PCLO: variants seen among roughly 807,000 people sequenced by gnomAD.
PCLO encodes piccolo presynaptic cytomatrix protein.
A neutral mutation model predicts 427.5 loss-of-function variants in PCLO; 82 were observed. That is an observed-to-expected ratio of 0.19 (90% CI 0.16 to 0.23). The LOEUF is 0.23. Among genes scored for constraint, PCLO ranks in the 10% least tolerant of loss-of-function variants. The probability of loss-of-function intolerance (pLI) is 1.00; values close to 1 mark genes in which losing one functional copy is unlikely to be tolerated. For synonymous variants in PCLO, 2,357 were observed against 2,155.4 expected (o/e 1.09, Z -2.59); for missense variants, 6,239 against 6,115.9 (o/e 1.02, Z -0.67).
intron 9 of PCLO, chr7:82,879,897 A>G: frequency 2.3e-6 from 1 of 432,346 alleles, no homozygotes; most frequent in Non-Finnish European, 4.6e-6. Flanking sequence ...GTAATTTATA[A>G]AGTGAAAACA....
intron 13 of PCLO, among the ~76,000 whole-genome samples, chr7:82,845,044 T>C (rs1164329114): frequency 1.3e-5 from 2 of 152,104 alleles, no homozygotes; most frequent in Non-Finnish European, 2.9e-5. Flanking sequence ...TTCAAGTTCC[T>C]CATAATAACT....
intron 2 of PCLO, among the ~76,000 whole-genome samples, chr7:83,153,936 G>T (rs1584094179): frequency 2.0e-5 from 3 of 150,874 alleles, no homozygotes; most frequent in Admixed American, 6.6e-5. Flanking sequence ...CTATTAAAAT[G>T]CTACATTATT....
rs1790269111 is a variant in PCLO, at chr7:82,754,072, A to G, written c.*4503T>C. ...ACAGCCTTTATACGGCACAGTTTAC[A>G]TAAGTTATCAAGATACATCTTGTAT... On this transcript the variant is annotated 3_prime_UTR_variant, in exon 25 of 25. Coordinates refer to ENST00000333891, the MANE Select transcript of PCLO (RefSeq NM_033026.6). The G allele has an allele frequency of 6.6e-6, 1 of 152,192 alleles. No individual in the cohort carries two copies. The highest frequency in any genetic ancestry group is 1.5e-5 in the Non-Finnish European group (1 of 68,024). 9.4% of individuals were successfully genotyped at this position (152,192 alleles called of 1,614,324 possible).
intron 6 of PCLO, among the ~76,000 whole-genome samples, chr7:82,932,479 G>A (rs115396818): frequency 2.1e-3 from 315 of 152,230 alleles, no homozygotes; most frequent in African/African-American, 7.1e-3. Flanking sequence ...ACATTAGTGA[G>A]CAAGTTCTGA....
At chr7:83,132,150 G>A (rs1258004284) in intron 3 of PCLO, among the ~76,000 whole-genome samples, 1 of 152,048 alleles carries the variant, frequency 6.6e-6, no homozygotes, top group Non-Finnish European at 1.5e-5. Flanking sequence ...CTAGAAACCA[G>A]AGGTCACCAA....
At chr7:82,815,102 T>TCTTAAGAA (rs3064840) in intron 20 of PCLO, among the ~76,000 whole-genome samples, 88,081 of 151,258 alleles carry the variant, frequency 0.58, 26,506 homozygotes, top group East Asian at 0.85. Flanking sequence ...TCTCTAAGCT[T>TCTTAAGAA]CTTGTTTCAC....
chr7:82,815,314 A>G (rs569493833), intron 20 of PCLO, among the ~76,000 whole-genome samples: 7 of 152,172 alleles, frequency 4.6e-5, no homozygotes, highest in Admixed American at 2.0e-4. Flanking sequence ...TTCATAAAGT[A>G]TCTTTTGTAC....
intron 22 of PCLO, 29 bp downstream of exon 22, chr7:82,801,489 A>G (rs781234350): frequency 2.4e-6 from 3 of 1,268,120 alleles, no homozygotes; most frequent in Non-Finnish European, 3.5e-6. Context: ...AGATTCAGCC[A>G]AAATCCAATA....
chr7:82,876,457 C>T (rs1384857454), intron 10 of PCLO, among the ~76,000 whole-genome samples: 1 of 132,678 alleles, frequency 7.5e-6, no homozygotes, highest in Non-Finnish European at 1.6e-5. Flanking sequence ...AACAAGTATA[C>T]ACACACACAC....
At chr7:83,072,546 A>G (rs546744763) in intron 3 of PCLO, among the ~76,000 whole-genome samples, 3 of 152,192 alleles carry the variant, frequency 2.0e-5, no homozygotes, top group African/African-American at 2.4e-5. Flanking sequence ...ATGAATTGAG[A>G]AAAGAGATAA....
intron 4 of PCLO, among the ~76,000 whole-genome samples, chr7:82,961,479 A>T (rs926582958): frequency 3.9e-5 from 6 of 152,220 alleles, no homozygotes; most frequent in African/African-American, 1.4e-4. Context: ...GAAGGCTGAG[A>T]AAGCCAACTA....
chr7:83,019,978 C>T (rs1348925096), intron 3 of PCLO, among the ~76,000 whole-genome samples: 1 of 152,118 alleles, frequency 6.6e-6, no homozygotes, highest in African/African-American at 2.4e-5. Flanking sequence ...AGATATGTAG[C>T]TCTCAGAAGT....
intron 3 of PCLO, among the ~76,000 whole-genome samples, chr7:83,097,402 G>T (rs1790616115): frequency 6.9e-6 from 1 of 145,150 alleles, no homozygotes; most frequent in Admixed American, 7.1e-5. Flanking sequence ...GGCGCCTGTA[G>T]TCCCAGCTAC....
intron 3 of PCLO, among the ~76,000 whole-genome samples, chr7:83,091,256 A>G (rs965886938): frequency 6.6e-6 from 1 of 152,188 alleles, no homozygotes; most frequent in African/African-American, 2.4e-5. Context: ...TATGAAAGCT[A>G]GAAAATAACT....
intron 3 of PCLO, among the ~76,000 whole-genome samples, chr7:83,117,969 T>C (rs533358262): frequency 6.6e-6 from 1 of 152,284 alleles, no homozygotes; most frequent in East Asian, 1.9e-4. Flanking sequence ...CTGAACAATA[T>C]ATAACAGTAC....
At chr7:82,906,189 T>C (rs1191337212) in intron 8 of PCLO, among the ~76,000 whole-genome samples, 2 of 152,048 alleles carry the variant, frequency 1.3e-5, no homozygotes, top group African/African-American at 2.4e-5. Flanking sequence ...AGAAATATTC[T>C]TCTATGCCTC....
At chr7:82,993,402 T>C (rs1796422408) in intron 3 of PCLO, among the ~76,000 whole-genome samples, 1 of 152,012 alleles carries the variant, frequency 6.6e-6, no homozygotes, top group South Asian at 2.1e-4. Flanking sequence ...CAGGAGCAGA[T>C]ATGGAATAGA....
At position 82,845,325 on chromosome 7, in the gene PCLO, G is replaced by T; in HGVS notation, c.13992C>A (p.Ser4664Arg). The change falls in exon 13 of 25, where the codon AGC becomes AGA. Residue 4664 changes from serine to arginine, a missense_variant. Physicochemically the swap from Ser to Arg is moderately radical, Grantham distance 110. Transcript: ENST00000333891. ...PTSAGSSSVP[S>R]PGQPGSPSVS... is the part of the protein sequence containing the mutation. ...CTGAGGGGGACCCTGGTTGCCCAGG[G>T]CTGGGAACGGAACTGGATCCTGCTG... 1 of 1,613,510 alleles carries T rather than the reference G, an allele frequency of 6.2e-7. No individual in the cohort carries two copies. Among genetic ancestry groups the T allele is most frequent in the African/African-American group, 1.3e-5 (1 of 74,994 alleles).
At chr7:83,080,923 T>A (rs1350671060) in intron 3 of PCLO, among the ~76,000 whole-genome samples, 1 of 151,658 alleles carries the variant, frequency 6.6e-6, no homozygotes, top group Non-Finnish European at 1.5e-5. Flanking sequence ...CAACAATAAC[T>A]AATAATAAAA....
Sources: gnomAD v4.1 joint callset for allele counts (sites outside exome capture counted in the v4.1 genomes callset) on GRCh38, gnomAD v4.1.1 for gene constraint, MANE v1.5 for transcripts, NCBI Gene and HGNC (gene_info 2026-07-23, HGNC 2026-07-21) for gene names.